The following VPS8 variants were observed in gnomAD, a reference collection of about 807,000 sequenced individuals.
VPS8 encodes VPS8 subunit of CORVET complex, also known as vacuolar protein sorting-associated protein 8 homolog.
VPS8 carries 129 observed loss-of-function variants against 216.4 expected under a neutral mutation model. That is an observed-to-expected ratio of 0.60 (90% CI 0.52 to 0.69). VPS8 has a LOEUF of 0.69. VPS8 is among the 30% of genes least tolerant of loss of function. VPS8 has a pLI of 0.00. For synonymous variants in VPS8, 571 were observed against 565.4 expected, an observed-to-expected ratio of 1.01 and a Z score of -0.14; for missense variants, 1,531 against 1,683.5, an observed-to-expected ratio of 0.91 and a Z score of 1.59.
intron 25 of VPS8, among the ~76,000 whole-genome samples, chr3:184,910,429 T>C (rs73051365): frequency 0.048 from 7,374 of 152,242 alleles, 197 homozygotes; most frequent in South Asian, 0.088. Context: ...CTTGTACAGC[T>C]AACTCCCTAT....
Position 184,929,653 on chromosome 3 carries a change from C to G in VPS8, c.2788C>G (p.Pro930Ala), listed in dbSNP as rs1304647370. 2 of 1,513,420 alleles carry G rather than the reference C, an allele frequency of 1.3e-6. No individual in the cohort carries two copies. The highest frequency in any genetic ancestry group is 4.5e-5 in the Admixed American group (2 of 44,528). 93.7% of individuals were successfully genotyped at this position (1,513,420 alleles called of 1,614,324 possible). Reference sequence around the variant, plus strand: ...AATTATTGATTGCTACTTACGTGACCCTCTGCGAGAGGTGAGTCAAGATAC... The same window carrying G: ...AATTATTGATTGCTACTTACGTGACGCTCTGCGAGAGGTGAGTCAAGATAC... ...DKIIDCYLRD[P>A]LREEEVFNYI... Residue 930 changes from proline to alanine, a missense_variant, in exon 33 of 48, where the codon CCT becomes GCT. Physicochemically the swap from Pro to Ala is conservative, Grantham distance 27. This residue lies in a region of VPS8 where 1,318 missense variants were observed against 1,468.4 expected (regional missense o/e 0.90). Coordinates refer to ENST00000625842, the MANE Select transcript of VPS8 (RefSeq NM_001009921.3).
intron 1 of VPS8, chr3:184,824,287 T>A (rs1718236357): frequency 4.7e-6 from 1 of 210,958 alleles, no homozygotes. Context: ...AAGTTATCAC[T>A]ATCACCAGTT....
At chr3:185,001,629 A>ATT (rs10660288) in intron 45 of VPS8, among the ~76,000 whole-genome samples, 151,849 of 152,230 alleles carry the variant, frequency 1, 75,736 homozygotes, top group Non-Finnish European at 1. Context: ...GTCATGCCTG[A>ATT]AAATTATTGG....
rs906665459 is a variant in VPS8 at position 184,920,652 on chromosome 3, A to G, written c.2454+454A>G. Among the ~76,000 whole-genome samples the G allele has an allele frequency of 2.6e-5, 4 of 152,366 alleles. No homozygotes were observed. The South Asian group carries it at 6.2e-4, about 24-fold the overall frequency. On this transcript the variant is annotated intron_variant, in intron 29 of 47. Transcript: ENST00000625842. ...GGCACACAGAAATGATCATCCCAGTATAAATCTAATTAGATTCAGGAGAAA... is the reference window on the plus strand; with the variant it reads ...GGCACACAGAAATGATCATCCCAGTGTAAATCTAATTAGATTCAGGAGAAA...
At chr3:184,872,042 ATAACT>A (rs892562220) in intron 21 of VPS8, among the ~76,000 whole-genome samples, 1 of 152,198 alleles carries the variant, frequency 6.6e-6, no homozygotes, top group Non-Finnish European at 1.5e-5. Context: ...ATAAAAATAA[ATAACT>A]TAGGAAGAAG....
chr3:184,915,333 A>G (rs1481266327), intron 27 of VPS8, 22 bp from the exon 28 acceptor site: 10 of 1,607,516 alleles, frequency 6.2e-6, no homozygotes, highest in Non-Finnish European at 8.5e-6. Flanking sequence ...AAAATAATCA[A>G]CATTTTTTTC....
intron 5 of VPS8, among the ~76,000 whole-genome samples, chr3:184,835,348 T>C (rs552776120): frequency 4.9e-4 from 74 of 152,332 alleles, no homozygotes; most frequent in African/African-American, 1.7e-3. Context: ...GTAGTGCCTC[T>C]ATTGTGAAAT....
chr3:184,974,941 G>A (rs1749021880), intron 40 of VPS8, among the ~76,000 whole-genome samples: 1 of 152,100 alleles, frequency 6.6e-6, no homozygotes, highest in Non-Finnish European at 1.5e-5. Flanking sequence ...CCAGTACTGT[G>A]CTGTTTTGGT....
At chr3:185,047,059 G>A (rs1237016144) in intron 46 of VPS8, among the ~76,000 whole-genome samples, 2 of 152,102 alleles carry the variant, frequency 1.3e-5, no homozygotes, top group Non-Finnish European at 2.9e-5. Flanking sequence ...TCTCACACTC[G>A]GCATACCCTC....
intron 47 of VPS8, 141 bp from the exon 48 acceptor site, chr3:185,051,735 A>G: frequency 2.9e-6 from 3 of 1,044,334 alleles, no homozygotes; most frequent in Non-Finnish European, 4.0e-6. Flanking sequence ...TTTGTGATAT[A>G]TGGACCTAAG....
At chr3:184,894,629 T>TA in intron 22 of VPS8, 74 bp from the exon 23 acceptor site, 1 of 1,124,074 alleles carries the variant, frequency 8.9e-7, no homozygotes, top group Admixed American at 2.4e-5. Flanking sequence ...AAAGATGAGA[T>TA]ATATTTGGGA....
chr3:184,855,288 C>T (rs1725033316), intron 13 of VPS8, among the ~76,000 whole-genome samples: 1 of 152,110 alleles, frequency 6.6e-6, no homozygotes, highest in Non-Finnish European at 1.5e-5. Flanking sequence ...TCCATCTACC[C>T]ATCCCTCTGT....
At chr3:184,959,203 C>A (rs182955382) in intron 37 of VPS8, among the ~76,000 whole-genome samples, 245 of 152,218 alleles carry the variant, frequency 1.6e-3, no homozygotes, top group Admixed American at 3.3e-3. Context: ...TGTAAGCACA[C>A]CATCTTGACA....
chr3:184,813,307 A>G (rs1207777102), intron 1 of VPS8, among the ~76,000 whole-genome samples: 2 of 152,096 alleles, frequency 1.3e-5, no homozygotes, highest in African/African-American at 2.4e-5. Flanking sequence ...AAACCCCAAA[A>G]CCCAAGCAAA....
chr3:184,839,011 C>T (rs1173977734), intron 6 of VPS8: 2 of 325,016 alleles, frequency 6.2e-6, no homozygotes, highest in African/African-American at 4.3e-5. Context: ...GTAGTACTAC[C>T]CTGCCCAAGT....
chr3:184,879,459 T>C (rs1190573606), intron 21 of VPS8, among the ~76,000 whole-genome samples: 1 of 152,172 alleles, frequency 6.6e-6, no homozygotes, highest in Non-Finnish European at 1.5e-5. Flanking sequence ...AAGCAGGTAT[T>C]GCTCACAGTG....
At chr3:184,926,114 G>A (rs1283205745) in intron 30 of VPS8, among the ~76,000 whole-genome samples, 4 of 148,534 alleles carry the variant, frequency 2.7e-5, no homozygotes, top group Admixed American at 2.7e-4. Flanking sequence ...GATGGCTCAC[G>A]CCTGTAATCC....
At chr3:184,963,045 A>T (rs1471149183) in intron 37 of VPS8, among the ~76,000 whole-genome samples, 1 of 152,056 alleles carries the variant, frequency 6.6e-6, no homozygotes, top group Admixed American at 6.5e-5. Flanking sequence ...GTCTTTCCCT[A>T]TATCCATACC....
chr3:184,888,172 A>G (rs1471507319), intron 22 of VPS8, among the ~76,000 whole-genome samples: 1 of 152,026 alleles, frequency 6.6e-6, no homozygotes, highest in East Asian at 1.9e-4. Context: ...TATTTTTAGT[A>G]GAGACAGGGT....
Sources: allele counts gnomAD v4.1 joint callset (sites outside exome capture counted in the v4.1 genomes callset), GRCh38; gene constraint gnomAD v4.1.1; regional missense constraint gnomAD v4.1.1; transcripts MANE v1.5; gene names NCBI Gene and HGNC (gene_info 2026-07-23, HGNC 2026-07-21).